Variants in AOPEP observed in about 807,000 individuals in gnomAD.
AOPEP encodes the protein aminopeptidase O (putative).
AOPEP carries 77 observed loss-of-function variants against 98.1 expected under a neutral mutation model. The ratio of observed to expected loss-of-function variants is 0.78; its 90% CI spans 0.65 to 0.95. The LOEUF is 0.95. Ranked by LOEUF, AOPEP falls within the 40% of genes least tolerant of loss-of-function variation. The pLI is 0.00. For synonymous variants in AOPEP, 346 were observed against 365.3 expected (o/e 0.95, Z 0.60); for missense variants, 1,024 against 1,024.7 (o/e 1.00, Z 0.01).
chr9:94,959,627 TA>T (rs1303521454), intron 9 of AOPEP, among the ~76,000 whole-genome samples: 1 of 152,206 alleles, frequency 6.6e-6, no homozygotes, highest in African/African-American at 2.4e-5. Flanking sequence ...ATACTCATTA[TA>T]AAAAATTATA....
intron 7 of AOPEP, among the ~76,000 whole-genome samples, chr9:94,938,414 CAGAGTTCTAAGAA>C (rs1337000171): frequency 2.0e-5 from 3 of 152,166 alleles, no homozygotes; most frequent in Non-Finnish European, 4.4e-5. Flanking sequence ...GCTACATCCT[CAGAGTTCTAAGAA>C]CTGAGAGTTT....
intron 7 of AOPEP, among the ~76,000 whole-genome samples, chr9:94,934,268 C>T (rs1444754938): frequency 6.6e-6 from 1 of 151,462 alleles, no homozygotes; most frequent in African/African-American, 2.4e-5. Context: ...CCCTCCCTTC[C>T]CTCTCCCTCT....
intron 5 of AOPEP, among the ~76,000 whole-genome samples, chr9:94,902,425 A>C (rs890794577): frequency 6.6e-6 from 1 of 152,144 alleles, no homozygotes; most frequent in Non-Finnish European, 1.5e-5. Context: ...ATCTCCCCCA[A>C]TACCACACCC....
Position 94,999,545 on chromosome 9 carries a change from C to T in AOPEP, c.1978-5613C>T, listed in dbSNP as rs150498360. Among the ~76,000 whole-genome samples, 214 of 152,258 alleles carry T rather than the reference C, an allele frequency of 1.4e-3. 1 individual carries two copies. Among genetic ancestry groups the T allele is most frequent in the African/African-American group, 4.9e-3 (205 of 41,542 alleles). ...AATGGAATAAACAACCCTCTAAATC[C>T]ATCCTTCCGGTAAACATTGTGATGG... On this transcript the variant is annotated intron_variant, in intron 11 of 16. Transcript: ENST00000375315.
chr9:95,106,348 G>A, the AOPEP span, among the ~76,000 whole-genome samples: 4 of 152,180 alleles, frequency 2.6e-5, no homozygotes, highest in African/African-American at 9.7e-5. Context: ...AATTCCTTAT[G>A]TATTCTGAAT....
chr9:94,844,256 A>G (rs1411090152), intron 5 of AOPEP, among the ~76,000 whole-genome samples: 2 of 152,144 alleles, frequency 1.3e-5, no homozygotes, highest in East Asian at 1.9e-4. Flanking sequence ...GGGTTTCACC[A>G]TGTTGGCCAG....
chr9:94,975,924 A>C (rs745965676), intron 10 of AOPEP, among the ~76,000 whole-genome samples: 4 of 152,182 alleles, frequency 2.6e-5, no homozygotes, highest in African/African-American at 7.2e-5. Flanking sequence ...ACACTACTGC[A>C]CTGGCATTCC....
At chr9:94,899,350 ATTT>A (rs35635785) in intron 5 of AOPEP, among the ~76,000 whole-genome samples, 3 of 97,806 alleles carry the variant, frequency 3.1e-5, no homozygotes, top group African/African-American at 3.6e-5. Flanking sequence ...ACGCCCGGCT[ATTT>A]TTTTTTTTTT....
At chr9:94,757,090 G>A (rs1360443305) in intron 1 of AOPEP, among the ~76,000 whole-genome samples, 1 of 152,220 alleles carries the variant, frequency 6.6e-6, no homozygotes, top group Non-Finnish European at 1.5e-5. Flanking sequence ...AACCCCAGAA[G>A]TTGGGATTCA....
chr9:94,861,802 C>T (rs1370874931), intron 5 of AOPEP, among the ~76,000 whole-genome samples: 1 of 152,164 alleles, frequency 6.6e-6, no homozygotes, highest in Non-Finnish European at 1.5e-5. Flanking sequence ...CCACAGCCAT[C>T]CTCCCTGTAA....
chr9:94,739,911 G>A (rs1272973124), intron 1 of AOPEP, among the ~76,000 whole-genome samples: 1 of 152,160 alleles, frequency 6.6e-6, no homozygotes, highest in East Asian at 1.9e-4. Flanking sequence ...CATTGCCAAG[G>A]ACCTCTAGAT....
chr9:95,003,241 C>T lies in AOPEP; in HGVS notation c.1978-1917C>T, dbSNP rs1243963943. Among the ~76,000 whole-genome samples the T allele has an allele frequency of 2.0e-5, 3 of 152,196 alleles. No homozygotes were observed. The South Asian group carries it at 6.2e-4, about 32-fold the overall frequency. On this transcript the variant is annotated intron_variant, in intron 11 of 16. Coordinates refer to ENST00000375315, the MANE Select transcript of AOPEP (RefSeq NM_001193329.3). ...AAAAACTTTTCAAATAACTAGTACC[C>T]AGCTGTTAACAACAGCTTTCATATA... is the stretch of plus-strand genomic sequence containing the variant.
At chr9:95,011,642 C>T (rs1299400315) in intron 13 of AOPEP, among the ~76,000 whole-genome samples, 1 of 152,108 alleles carries the variant, frequency 6.6e-6, no homozygotes, top group African/African-American at 2.4e-5. Flanking sequence ...GACCCCATCA[C>T]TACAAAACAT....
At chr9:95,092,516 G>T in the AOPEP span, among the ~76,000 whole-genome samples, 1 of 152,218 alleles carries the variant, frequency 6.6e-6, no homozygotes, top group South Asian at 2.1e-4. Flanking sequence ...CTGTGGCTTT[G>T]TCTGGGGCAC....
the AOPEP span, among the ~76,000 whole-genome samples, chr9:95,105,577 G>C: frequency 3.2e-4 from 49 of 152,284 alleles, no homozygotes; most frequent in African/African-American, 1.2e-3. Flanking sequence ...GTGGCATGCA[G>C]TATGTTTACA....
Position 94,923,974 on chromosome 9 carries a change from C to T in AOPEP, c.1365-12C>T. Reference sequence around the variant, plus strand: ...ACAAGACTCTGTGCATTTTCTCCCCCATTATCCACAGCCCACACATCATGT... The same window carrying T: ...ACAAGACTCTGTGCATTTTCTCCCCTATTATCCACAGCCCACACATCATGT... On this transcript the variant is annotated splice_polypyrimidine_tract_variant and intron_variant, in intron 5 of 16. Coordinates refer to ENST00000375315, the MANE Select transcript of AOPEP (RefSeq NM_001193329.3). 1 of 1,391,386 alleles carries T rather than the reference C, an allele frequency of 7.2e-7. No homozygotes were observed. The highest frequency in any genetic ancestry group is 9.4e-7 in the Non-Finnish European group (1 of 1,061,396). 86.2% of individuals were successfully genotyped at this position (1,391,386 alleles called of 1,614,324 possible).
chr9:94,816,629 G>T (rs1564187183), intron 5 of AOPEP, among the ~76,000 whole-genome samples: 1 of 152,178 alleles, frequency 6.6e-6, no homozygotes, highest in South Asian at 2.1e-4. Flanking sequence ...TGGTAAGGAG[G>T]TGGGCTAACG....
chr9:95,114,774 C>CT, the AOPEP span: 30 of 1,391,420 alleles, frequency 2.2e-5, no homozygotes, highest in Non-Finnish European at 2.9e-5. Flanking sequence ...GAGGAACCAC[C>CT]TGCAGGGATG....
At chr9:94,875,167 G>T (rs1166998977) in intron 5 of AOPEP, among the ~76,000 whole-genome samples, 1 of 151,868 alleles carries the variant, frequency 6.6e-6, no homozygotes, top group Non-Finnish European at 1.5e-5. Flanking sequence ...CTACCCTTTA[G>T]GGTGTTAAAG....
Sources: allele counts gnomAD v4.1 joint callset (sites outside exome capture counted in the v4.1 genomes callset), GRCh38; gene constraint gnomAD v4.1.1; transcripts MANE v1.5; gene names NCBI Gene and HGNC (gene_info 2026-07-23, HGNC 2026-07-21).